Variants in GABRB1 observed in about 807,000 individuals in gnomAD.
GABRB1 encodes gamma-aminobutyric acid type A receptor subunit beta1.
Under a neutral mutation model 51.6 loss-of-function variants are expected in GABRB1, and 17 were observed. The ratio of observed to expected loss-of-function variants is 0.33; its 90% CI spans 0.23 to 0.49. The LOEUF is 0.49. Among genes scored for constraint, GABRB1 ranks in the 20% least tolerant of loss-of-function variants. GABRB1 has a pLI of 0.99. For missense variants in GABRB1, 410 were observed against 600.6 expected (o/e 0.68, Z 3.32); for synonymous variants, 247 against 218.9 (o/e 1.13, Z -1.14).
Position 47,032,465 on chromosome 4 carries a change from T to A in GABRB1, c.221T>A (p.Met74Lys). ...GMRIDVASID[M>K]VSEVNMDYTL... ...CGGATCGATGTCGCCAGCATAGACA[T>A]GGTCTCCGAAGTGAATATGGTGAGT... The change falls in exon 3 of 9, where the codon ATG becomes AAG. Residue 74 changes from methionine to lysine, a missense_variant. Transcript: ENST00000295454. 2 of 1,612,236 alleles carry A rather than the reference T, an allele frequency of 1.2e-6. No homozygotes were observed.
chr4:47,032,049 TC>T (rs1725326933), intron 2 of GABRB1, 44 bp downstream of exon 2: 1 of 1,198,604 alleles, frequency 8.3e-7, no homozygotes, highest in Non-Finnish European at 1.2e-6. Flanking sequence ...TCCTTAGTTC[TC>T]CTTTTCTGTC....
At chr4:47,155,746 C>T (rs139100645) in intron 3 of GABRB1, among the ~76,000 whole-genome samples, 4 of 151,470 alleles carry the variant, frequency 2.6e-5, no homozygotes, top group African/African-American at 4.8e-5. Context: ...AAAATGATTT[C>T]TTATGGTAAA....
intron 3 of GABRB1, among the ~76,000 whole-genome samples, chr4:47,056,367 G>A (rs921022982): frequency 2.6e-5 from 4 of 152,136 alleles, no homozygotes; most frequent in African/African-American, 9.7e-5. Flanking sequence ...TCACTCTTGA[G>A]TTTGCCTGGA....
Position 47,231,812 on chromosome 4 carries a change from T to A in GABRB1, c.461+70343T>A, listed in dbSNP as rs535611281. On this transcript the variant is annotated intron_variant, in intron 4 of 8. Coordinates refer to ENST00000295454, the MANE Select transcript of GABRB1 (RefSeq NM_000812.4). ...ACAGGCGTGGTGAGGAAAATTACAA[T>A]TACTTAAAATATTTTGGTATTTTAT... Among the ~76,000 whole-genome samples the A allele has an allele frequency of 1.5e-4, 23 of 152,312 alleles. No individual in the cohort carries two copies. In the East Asian group the frequency reaches 4.4e-3, roughly 29 times the overall value.
intron 3 of GABRB1, among the ~76,000 whole-genome samples, chr4:47,070,823 G>A (rs781211344): frequency 2.0e-5 from 3 of 152,096 alleles, no homozygotes; most frequent in Non-Finnish European, 4.4e-5. Context: ...CCATGAATGA[G>A]TTCATCCAGT....
chr4:47,412,310 T>C (rs912955599), intron 8 of GABRB1, among the ~76,000 whole-genome samples: 1 of 152,186 alleles, frequency 6.6e-6, no homozygotes, highest in East Asian at 1.9e-4. Flanking sequence ...AATTAATTAA[T>C]ACTGGAGAGT....
At chr4:47,127,956 CA>C (rs955928939) in intron 3 of GABRB1, among the ~76,000 whole-genome samples, 153 of 150,908 alleles carry the variant, frequency 1.0e-3, no homozygotes, top group African/African-American at 3.1e-3. Context: ...GAAAAATAAA[CA>C]AAAAAAGAGA....
intron 1 of GABRB1, among the ~76,000 whole-genome samples, chr4:47,019,618 T>C (rs1364578953): frequency 2.2e-5 from 2 of 90,836 alleles, no homozygotes; most frequent in East Asian, 6.8e-4. Context: ...TCTTTCTTTC[T>C]TTCTCTCTCT....
rs571770498 is a variant in GABRB1 at position 47,328,207 on chromosome 4, T to G, written c.544+7998T>G. On this transcript the variant is annotated intron_variant, in intron 5 of 8. Transcript: ENST00000295454. ...GTTTGAGTTCATTGTAGATTCTGGA[T>G]ATTAGCCCTTTGTCAGATGAGTAGA... Among the ~76,000 whole-genome samples, 421 of 152,314 alleles carry G rather than the reference T, an allele frequency of 2.8e-3. 1 individual carries two copies. The highest frequency in any genetic ancestry group is 5.0e-3 in the Non-Finnish European group (339 of 68,032).
At chr4:47,145,867 G>A (rs1224276462) in intron 3 of GABRB1, among the ~76,000 whole-genome samples, 3 of 151,958 alleles carry the variant, frequency 2.0e-5, no homozygotes, top group Non-Finnish European at 4.4e-5. Flanking sequence ...AATTGCTCGA[G>A]GATTCTTAAC....
In GABRB1 at chr4:47,320,193, C is replaced by G. The variant is rs1725026520; in HGVS notation, c.528C>G (p.Thr176=). Residue 176 remains threonine (T), a synonymous_variant, in exon 5 of 9, where the codon ACC becomes ACG. Coordinates refer to ENST00000295454, the MANE Select transcript of GABRB1 (RefSeq NM_000812.4). ...ATCCATTGGATGAGCAGAACTGCACCCTGGAGATCGAAAGTTGTGAGTTAC... is the reference window on the plus strand; with the variant it reads ...ATCCATTGGATGAGCAGAACTGCACGCTGGAGATCGAAAGTTGTGAGTTAC... ...RRYPLDEQNC[T]LEIESYGYTT... 1.9e-6 allele frequency: 3 copies of G among 1,599,070 alleles called. No homozygotes were observed. The highest frequency in any genetic ancestry group is 2.7e-5 in the African/African-American group (2 of 74,750).
intron 4 of GABRB1, among the ~76,000 whole-genome samples, chr4:47,192,449 A>C (rs1458902387): frequency 6.6e-6 from 1 of 152,212 alleles, no homozygotes; most frequent in Admixed American, 6.5e-5. Flanking sequence ...AGAATGAAAA[A>C]AGTAAAAAAT....
chr4:47,063,025 C>T (rs987475655), intron 3 of GABRB1, among the ~76,000 whole-genome samples: 1 of 152,114 alleles, frequency 6.6e-6, no homozygotes, highest in Non-Finnish European at 1.5e-5. Context: ...TGGATTATAT[C>T]ACTTCTTACT....
intron 5 of GABRB1, among the ~76,000 whole-genome samples, chr4:47,354,073 AC>A (rs1055993365): frequency 6.6e-6 from 1 of 152,062 alleles, no homozygotes; most frequent in Non-Finnish European, 1.5e-5. Flanking sequence ...TTCCCAAGCA[AC>A]CCATCTTCTC....
At chr4:47,347,944 A>G (rs925634498) in intron 5 of GABRB1, among the ~76,000 whole-genome samples, 3 of 152,212 alleles carry the variant, frequency 2.0e-5, no homozygotes, top group African/African-American at 7.2e-5. Flanking sequence ...TATCAGTTAT[A>G]AAAATCAAAG....
chr4:47,037,834 G>A (rs915813896), intron 3 of GABRB1, among the ~76,000 whole-genome samples: 2 of 152,092 alleles, frequency 1.3e-5, no homozygotes, highest in African/African-American at 4.8e-5. Context: ...GAGGCTGAGA[G>A]AGCGGGAAAT....
intron 1 of GABRB1, among the ~76,000 whole-genome samples, chr4:47,014,490 A>G (rs1724681268): frequency 6.6e-6 from 1 of 151,992 alleles, no homozygotes; most frequent in African/African-American, 2.4e-5. Context: ...CTTTTACAAT[A>G]TTTCTGATCA....
At chr4:47,403,201 G>A in intron 5 of GABRB1, 117 bp from the exon 6 acceptor site, 2 of 1,100,900 alleles carry the variant, frequency 1.8e-6, no homozygotes, top group Non-Finnish European at 2.7e-6. Flanking sequence ...TACCACCCTA[G>A]TTTAAAGCAA....
intron 4 of GABRB1, among the ~76,000 whole-genome samples, chr4:47,207,963 C>A (rs6845165): frequency 5.9e-5 from 9 of 152,022 alleles, no homozygotes; most frequent in African/African-American, 1.7e-4. Context: ...TAACTCCTGG[C>A]ATGTAAATCC....
Sources: allele counts gnomAD v4.1 joint callset (sites outside exome capture counted in the v4.1 genomes callset), GRCh38; gene constraint gnomAD v4.1.1; transcripts MANE v1.5; gene names NCBI Gene and HGNC (gene_info 2026-07-23, HGNC 2026-07-21).